Variants in POFUT2 observed in about 807,000 individuals in gnomAD.
POFUT2 encodes protein O-fucosyltransferase 2, also known as GDP-fucose protein O-fucosyltransferase 2.
Under a neutral mutation model 55.0 loss-of-function variants are expected in POFUT2, and 30 were observed. The ratio of observed to expected loss-of-function variants is 0.55; its 90% CI spans 0.41 to 0.74. The LOEUF is 0.74. POFUT2 is among the 30% of genes least tolerant of loss of function. POFUT2 has a pLI of 0.00. For synonymous variants in POFUT2, 267 were observed against 231.1 expected (o/e 1.16, Z -1.41); for missense variants, 524 against 562.6 (o/e 0.93, Z 0.69).
rs375107966 is a variant in POFUT2, at chr21:45,278,201, A to T, written c.639-32T>A. On this transcript the variant is annotated intron_variant, in intron 4 of 8. Transcript: ENST00000349485. ...TTAAACAACAGAAGAATAAACAGTT[A>T]TAAGAGTTAAGGATGATGACATTCA... 2.6e-6 allele frequency: 4 copies of T among 1,562,106 alleles called. 1 individual carries two copies. Among genetic ancestry groups the T allele is most frequent in the South Asian group, 2.2e-5 (2 of 89,974 alleles).
chr21:45,268,920 GC>G (rs1178877995), intron 7 of POFUT2, among the ~76,000 whole-genome samples: 1 of 101,862 alleles, frequency 9.8e-6, no homozygotes, highest in Non-Finnish European at 2.0e-5. Flanking sequence ...GGGGGGGTCA[GC>G]CCCCCGCCTG....
chr21:45,272,966 C>G (rs1569221432), intron 6 of POFUT2, among the ~76,000 whole-genome samples: 1 of 152,100 alleles, frequency 6.6e-6, no homozygotes, highest in Non-Finnish European at 1.5e-5. Flanking sequence ...CACAGACAAT[C>G]TAAGGTCATA....
At chr21:45,280,192 C>T (rs184100275) in intron 4 of POFUT2, among the ~76,000 whole-genome samples, 26 of 152,364 alleles carry the variant, frequency 1.7e-4, no homozygotes, top group African/African-American at 6.3e-4. Flanking sequence ...TGCTCTGCCC[C>T]GTCCTCAGGG....
intron 1 of POFUT2, among the ~76,000 whole-genome samples, chr21:45,287,205 C>T (rs2031519473): frequency 7.3e-6 from 1 of 136,450 alleles, no homozygotes; most frequent in African/African-American, 2.8e-5. Context: ...CGGCCCCTGC[C>T]CCTGCCCCTG....
In POFUT2 at chr21:45,285,551, C is replaced by T. The variant is rs1343300973; in HGVS notation, c.382+127G>A. The T allele has an allele frequency of 1.1e-5, 12 of 1,128,826 alleles. No homozygotes were observed. The highest frequency in any genetic ancestry group is 1.6e-5 in the Non-Finnish European group (12 of 761,784). The allele number at this position is 1,128,826 out of a possible 1,614,324, so 69.9% of individuals were successfully genotyped here. A position where few individuals can be genotyped will look rare whatever the true frequency, so the allele number is the denominator to read the frequency against. On this transcript the variant is annotated intron_variant, in intron 2 of 8. Coordinates refer to ENST00000349485, the MANE Select transcript of POFUT2 (RefSeq NM_133635.6). The surrounding 1 kb of genome is among the most constrained non-coding windows in gnomAD (Gnocchi z 4.9). ...TGCTGCCACAGGCCTCAGGCAGCAGCACTGGGCACTGGAGGATGCTGGTGA... is the reference window on the plus strand; with the variant it reads ...TGCTGCCACAGGCCTCAGGCAGCAGTACTGGGCACTGGAGGATGCTGGTGA...
intron 6 of POFUT2, among the ~76,000 whole-genome samples, chr21:45,275,330 A>G (rs964009816): frequency 9.9e-5 from 15 of 152,144 alleles, no homozygotes; most frequent in Non-Finnish European, 7.3e-5. Context: ...GGGAATGTCA[A>G]CTAGTACAAC....
intron 7 of POFUT2, among the ~76,000 whole-genome samples, chr21:45,268,143 G>A (rs915868816): frequency 2.6e-5 from 4 of 152,250 alleles, no homozygotes; most frequent in East Asian, 1.9e-4. Context: ...GCAGGCACGC[G>A]CCACCACGCC....
At position 45,269,692 on chromosome 21, in the gene POFUT2, T is replaced by C. The variant is rs2093200489; in HGVS notation, c.1012+147A>G. On this transcript the variant is annotated intron_variant, in intron 7 of 8. Transcript: ENST00000349485. ...CTCTGCCTAGGAAAACCAGAGACCT[T>C]TGTTCACTTGTTTATCTGCTGACCT... The C allele has an allele frequency of 1.8e-5, 13 of 720,880 alleles. No individual in the cohort carries two copies. In the South Asian group the frequency reaches 1.9e-4, roughly 11 times the overall value. The allele number at this position is 720,880 out of a possible 1,614,324, so 44.7% of individuals were successfully genotyped here. A position where few individuals can be genotyped will look rare whatever the true frequency, so the allele number is the denominator to read the frequency against.
At chr21:45,279,240 AAAT>A (rs1289820554) in intron 4 of POFUT2, among the ~76,000 whole-genome samples, 1 of 152,016 alleles carries the variant, frequency 6.6e-6, no homozygotes, top group Non-Finnish European at 1.5e-5. Flanking sequence ...AAATACAAAA[AAAT>A]TAGCCGGGCG....
chr21:45,269,826 T>C lies in POFUT2; in HGVS notation c.1012+13A>G. On this transcript the variant is annotated intron_variant, in intron 7 of 8. Coordinates refer to ENST00000349485, the MANE Select transcript of POFUT2 (RefSeq NM_133635.6). ...AAAGAAAGGAAAGAAACGAAAGCAT[T>C]GAAGCTCCATACCCTTTCTGACGGC... 1.9e-6 allele frequency: 3 copies of C among 1,587,660 alleles called. No homozygotes were observed. The highest frequency in any genetic ancestry group is 2.6e-6 in the Non-Finnish European group (3 of 1,172,262).
At chr21:45,278,383 T>G (rs914216) in intron 4 of POFUT2, among the ~76,000 whole-genome samples, 45,512 of 152,048 alleles carry the variant, frequency 0.3, 6,996 homozygotes, top group East Asian at 0.45. Flanking sequence ...CTTTAATGCC[T>G]ACTGTCAACG....
chr21:45,287,826 A>T lies in POFUT2; in HGVS notation c.46T>A (p.Trp16Arg), dbSNP rs775569698. 4.8e-4 allele frequency: 722 copies of T among 1,493,608 alleles called. 1 individual carries two copies. Among genetic ancestry groups the T allele is most frequent in the Admixed American group, 9.9e-4 (45 of 45,678 alleles). 92.5% of individuals were successfully genotyped at this position (1,493,608 alleles called of 1,614,324 possible). A position where few individuals can be genotyped will look rare whatever the true frequency, so the allele number is the denominator to read the frequency against. Residue 16 changes from tryptophan (W) to arginine (R), a missense_variant, in exon 1 of 9, where the codon TGG (tryptophan) becomes AGG (arginine). Coordinates refer to ENST00000349485, the MANE Select transcript of POFUT2 (RefSeq NM_133635.6). ...TGGCCGGAGGCAGAAGCCGGAGGCC[A>T]GGACACTGCCCCCAGCAGCAGGAAG... ...FVFLLLGAVS[W>R]PPASASGQEF...
Position 45,265,862 on chromosome 21 carries a change from C to T in POFUT2, c.1137-227G>A. On this transcript the variant is annotated intron_variant, in intron 8 of 8. Coordinates refer to ENST00000349485, the MANE Select transcript of POFUT2 (RefSeq NM_133635.6). The surrounding 1 kb of genome is among the most constrained non-coding windows in gnomAD (Gnocchi z 4.6). The stretch of plus-strand genomic sequence containing the variant: ...GAGGGGCTCTGCCTGGTGCTGCAGC[C>T]CCATCCACACCCCACAGTCAGCAGC... 7 of 1,374,028 alleles carry T rather than the reference C, an allele frequency of 5.1e-6. No individual in the cohort carries two copies. Among genetic ancestry groups the T allele is most frequent in the Non-Finnish European group, 6.6e-6 (7 of 1,060,286 alleles). The allele number at this position is 1,374,028 out of a possible 1,614,324, so 85.1% of individuals were successfully genotyped here.
rs1339210080 is a variant in POFUT2, at chr21:45,265,303, G to A, written c.*179C>T. 2 of 461,626 alleles carry A rather than the reference G, an allele frequency of 4.3e-6. No homozygotes were observed. The highest frequency in any genetic ancestry group is 1.1e-4 in the South Asian group (2 of 18,368). The allele number at this position is 461,626 out of a possible 1,614,324, so 28.6% of individuals were successfully genotyped here. On this transcript the variant is annotated 3_prime_UTR_variant, in exon 9 of 9. Coordinates refer to ENST00000349485, the MANE Select transcript of POFUT2 (RefSeq NM_133635.6). The surrounding 1 kb of genome is among the most constrained non-coding windows in gnomAD (Gnocchi z 4.6). ...GCCTCTTCATCAGCCATGGCGGCTG[G>A]CAACGCCGAGGACGGAGCCCAGCTC... is the stretch of plus-strand genomic sequence containing the variant.
At chr21:45,266,172 C>T (rs369710371) in intron 8 of POFUT2, 76 of 1,367,208 alleles carry the variant, frequency 5.6e-5, no homozygotes, top group Non-Finnish European at 6.9e-5. Context: ...AGCGGCCTGC[C>T]CGTTCCTCCG....
In POFUT2 at chr21:45,277,224, A is replaced by T; in HGVS notation, c.706-82T>A. 1 of 1,538,288 alleles carries T rather than the reference A, an allele frequency of 6.5e-7. No homozygotes were observed. Among genetic ancestry groups the T allele is most frequent in the Non-Finnish European group, 8.8e-7 (1 of 1,138,392 alleles). ...CGGAGCGGGTTCTCCTGTCGCTGCC[A>T]CCACCCACCCCCGCAGCTGGAACAA... On this transcript the variant is annotated intron_variant, in intron 5 of 8. Coordinates refer to ENST00000349485, the MANE Select transcript of POFUT2 (RefSeq NM_133635.6). The surrounding 1 kb of genome is among the most constrained non-coding windows in gnomAD (Gnocchi z 6.9).
rs903915660 is a variant in POFUT2 at position 45,285,629 on chromosome 21, T to G, written c.382+49A>C. ...GATGTCTACCTTAGAAATGACTGCCTGGCCCCAGTTAAGCAACCACGGCCT... is the reference window on the plus strand; with the variant it reads ...GATGTCTACCTTAGAAATGACTGCCGGGCCCCAGTTAAGCAACCACGGCCT... On this transcript the variant is annotated intron_variant, in intron 2 of 8. Transcript: ENST00000349485. The surrounding 1 kb of genome is among the most constrained non-coding windows in gnomAD (Gnocchi z 4.9). 1 of 1,611,058 alleles carries G rather than the reference T, an allele frequency of 6.2e-7. No homozygotes were observed. The highest frequency in any genetic ancestry group is 1.3e-5 in the African/African-American group (1 of 74,912).
In POFUT2 at chr21:45,283,525, A is replaced by C; in HGVS notation, c.385T>G (p.Ser129Ala). 6.2e-7 allele frequency: 1 copy of C among 1,613,466 alleles called. No homozygotes were observed. Among genetic ancestry groups the C allele is most frequent in the Non-Finnish European group, 8.5e-7 (1 of 1,179,758 alleles). Reference sequence around the variant, plus strand: ...ACCTGGTCAATAAAGGGCCCACCAGATTCTGAAAGACACCAAGAAAAGCCA... The same window carrying C: ...ACCTGGTCAATAAAGGGCCCACCAGCTTCTGAAAGACACCAAGAAAAGCCA... ...VIEYEQFIAE[S>A]GGPFIDQVYV... is the part of the protein sequence containing the mutation. The change falls in exon 3 of 9, where the codon TCT becomes GCT. Residue 129 changes from serine to alanine, a missense_variant and splice_region_variant. By Grantham distance (99) the Ser-to-Ala change is moderately conservative. Around this residue, in one of 2 missense-constraint regions of POFUT2, gnomAD observed 274 missense variants for 244.4 expected, o/e 1.12. Coordinates refer to ENST00000349485, the MANE Select transcript of POFUT2 (RefSeq NM_133635.6).
At chr21:45,279,774 C>T (rs1320110314) in intron 4 of POFUT2, among the ~76,000 whole-genome samples, 1 of 152,230 alleles carries the variant, frequency 6.6e-6, no homozygotes, top group East Asian at 1.9e-4. Context: ...ACATTTTCTT[C>T]CATCTGTACA....
Sources: allele counts gnomAD v4.1 joint callset (sites outside exome capture counted in the v4.1 genomes callset), GRCh38; gene constraint gnomAD v4.1.1; regional missense constraint gnomAD v4.1.1; non-coding constraint Gnocchi (gnomAD v3.1); transcripts MANE v1.5; gene names NCBI Gene and HGNC (gene_info 2026-07-23, HGNC 2026-07-21).